The following CSMD1 variants were observed in gnomAD, a reference collection of about 807,000 sequenced individuals.
CSMD1 encodes the protein CUB and Sushi multiple domains 1.
CSMD1 carries 213 observed loss-of-function variants against 417.5 expected under a neutral mutation model. The observed-to-expected ratio is 0.51, with a 90% CI of 0.46 to 0.57. The LOEUF (loss-of-function observed/expected upper bound fraction) is 0.57. CSMD1 is among the 20% of genes least tolerant of loss of function. The pLI, the probability that CSMD1 is intolerant of heterozygous loss-of-function variation, is 0.00. For synonymous variants in CSMD1, 2,862 were observed against 1,736.8 expected, an observed-to-expected ratio of 1.65 and a Z score of -16.11; for missense variants, 6,923 against 4,529.7, an observed-to-expected ratio of 1.53 and a Z score of -15.17.
intron 8 of CSMD1, among the ~76,000 whole-genome samples, chr8:3,610,998 C>G (rs927010921): frequency 6.8e-6 from 1 of 146,698 alleles, no homozygotes; most frequent in Non-Finnish European, 1.5e-5. Context: ...AACCAAACAC[C>G]GCATGTTCTC....
rs529948765 is a variant in CSMD1, at chr8:3,369,118, A to G, written c.2899+136T>C. The G allele has an allele frequency of 3.3e-5, 18 of 538,800 alleles. No homozygotes were observed. In the East Asian group the frequency reaches 3.9e-4, roughly 12 times the overall value. The allele number at this position is 538,800 out of a possible 1,614,324, so 33.4% of individuals were successfully genotyped here. On this transcript the variant is annotated intron_variant, in intron 19 of 69. Transcript: ENST00000635120. ...TGTTCTTCCAAAATCTTATTAAATA[A>G]TAAGTTAAAATCTTGAACTATACAT...
chr8:4,534,382 T>C (rs968948557), intron 2 of CSMD1, among the ~76,000 whole-genome samples: 1 of 152,246 alleles, frequency 6.6e-6, no homozygotes, highest in Non-Finnish European at 1.5e-5. Flanking sequence ...ATGGATGGTT[T>C]ATCAATTGAA....
Position 3,409,446 on chromosome 8 carries a change from G to C in CSMD1, c.1721C>G (p.Ser574Cys). 2 of 1,611,002 alleles carry C rather than the reference G, an allele frequency of 1.2e-6. No homozygotes were observed. Among genetic ancestry groups the C allele is most frequent in the Non-Finnish European group, 1.7e-6 (2 of 1,178,720 alleles). The change falls in exon 13 of 70, where the codon TCT becomes TGT. Residue 574 changes from serine to cysteine, a missense_variant. Coordinates refer to ENST00000635120, the MANE Select transcript of CSMD1 (RefSeq NM_033225.6). ...ACATACACAGCTGGGCTTGTTGCCA[G>C]ACCACTGATTGTTCTGCTGACAGGT... ...VITCQQNNQWSGNKPSCVFSC... is the reference protein window; with the variant it reads ...VITCQQNNQWCGNKPSCVFSC...
chr8:3,115,381 T>A (rs769534632), intron 42 of CSMD1, among the ~76,000 whole-genome samples: 2 of 152,150 alleles, frequency 1.3e-5, no homozygotes, highest in African/African-American at 2.4e-5. Flanking sequence ...TTTGTATTTT[T>A]AGTAGAGTTG....
chr8:3,523,922 CAT>C (rs1340848199), intron 10 of CSMD1, among the ~76,000 whole-genome samples: 54 of 151,608 alleles, frequency 3.6e-4, no homozygotes, highest in Non-Finnish European at 4.6e-4. Context: ...CGCACACACA[CAT>C]ATGCATGCAC....
chr8:4,559,355 TTA>T (rs1211235968), intron 2 of CSMD1, among the ~76,000 whole-genome samples: 3 of 152,170 alleles, frequency 2.0e-5, no homozygotes, highest in Non-Finnish European at 2.9e-5. Flanking sequence ...CACTCTCTGG[TTA>T]TGTTATAAAA....
chr8:3,483,852 A>G (rs1308201110), intron 11 of CSMD1, among the ~76,000 whole-genome samples: 1 of 152,190 alleles, frequency 6.6e-6, no homozygotes, highest in Non-Finnish European at 1.5e-5. Flanking sequence ...AAAATCAATC[A>G]ATGTCATCCA....
intron 3 of CSMD1, among the ~76,000 whole-genome samples, chr8:4,187,754 G>T (rs933734254): frequency 1.2e-4 from 18 of 148,932 alleles, no homozygotes; most frequent in Admixed American, 3.4e-4. Flanking sequence ...AACACTCAGA[G>T]AAATATATTT....
intron 1 of CSMD1, among the ~76,000 whole-genome samples, chr8:4,666,708 C>T (rs1376683742): frequency 6.6e-6 from 1 of 152,012 alleles, no homozygotes; most frequent in Non-Finnish European, 1.5e-5. Context: ...TTAAAATGTG[C>T]TGTTTTCTTA....
At chr8:3,707,042 T>C (rs1801206628) in intron 7 of CSMD1, among the ~76,000 whole-genome samples, 1 of 151,938 alleles carries the variant, frequency 6.6e-6, no homozygotes, top group African/African-American at 2.4e-5. Context: ...AGAGGGGTAG[T>C]CAGAGTATGG....
chr8:3,891,418 G>A (rs183150647), intron 5 of CSMD1, among the ~76,000 whole-genome samples: 240 of 152,130 alleles, frequency 1.6e-3, no homozygotes, highest in Non-Finnish European at 1.6e-3. Flanking sequence ...GGTGGCTCAC[G>A]CCTACAAACC....
At chr8:4,803,617 A>G (rs1167289266) in intron 1 of CSMD1, among the ~76,000 whole-genome samples, 1 of 152,178 alleles carries the variant, frequency 6.6e-6, no homozygotes, top group Non-Finnish European at 1.5e-5. Context: ...AATTACTGAA[A>G]AGATCTATGT....
chr8:3,877,682 G>A (rs57459036), intron 5 of CSMD1, among the ~76,000 whole-genome samples: 42,626 of 151,860 alleles, frequency 0.28, 8,098 homozygotes, highest in African/African-American at 0.55. Flanking sequence ...CTGAGCACAT[G>A]GCTTGTACAT....
chr8:4,078,798 G>C (rs527430627), intron 3 of CSMD1, among the ~76,000 whole-genome samples: 95 of 149,392 alleles, frequency 6.4e-4, no homozygotes, highest in Middle Eastern at 3.5e-3. Flanking sequence ...CACTTTGGGA[G>C]GCCAAGGCAG....
Position 4,846,236 on chromosome 8 carries a change from A to G in CSMD1, c.85+148096T>C, listed in dbSNP as rs982816091. Among the ~76,000 whole-genome samples, 9 of 152,346 alleles carry G rather than the reference A, an allele frequency of 5.9e-5. No individual in the cohort carries two copies. In the South Asian group the frequency reaches 1.9e-3, roughly 32 times the overall value. On this transcript the variant is annotated intron_variant, in intron 1 of 69. Coordinates refer to ENST00000635120, the MANE Select transcript of CSMD1 (RefSeq NM_033225.6). ...TTTCTTTTTGACCTGTACAAAAAAT[A>G]TAGCTCTTACTTTCAAATTTGGAAA... is the stretch of plus-strand genomic sequence containing the variant.
intron 1 of CSMD1, among the ~76,000 whole-genome samples, chr8:4,904,812 A>G (rs1008264739): frequency 2.0e-5 from 3 of 152,216 alleles, no homozygotes; most frequent in Admixed American, 1.3e-4. Flanking sequence ...AACATGAAAC[A>G]GAAAGTCTGG....
chr8:3,788,732 C>A (rs746578930), intron 5 of CSMD1, among the ~76,000 whole-genome samples: 2 of 152,190 alleles, frequency 1.3e-5, no homozygotes, highest in African/African-American at 4.8e-5. Context: ...GATTAGAAAG[C>A]ACTTTCACAT....
At position 3,762,744 on chromosome 8, in the gene CSMD1, C is replaced by T. The variant is rs576576359; in HGVS notation, c.819-8702G>A. ...GGTCGGGGGGAGCCAGGCCACAGCT[C>T]GGCTTGGTTTATTCCCAGAGAGAGA... On this transcript the variant is annotated intron_variant, in intron 5 of 69. Coordinates refer to ENST00000635120, the MANE Select transcript of CSMD1 (RefSeq NM_033225.6). 1.2e-4 allele frequency among the ~76,000 whole-genome samples: 18 copies of T among 152,210 alleles called. No homozygotes were observed. The East Asian group carries it at 2.9e-3, about 25-fold the overall frequency.
At chr8:3,552,090 T>C (rs4875733) in intron 10 of CSMD1, among the ~76,000 whole-genome samples, 2,468 of 152,330 alleles carry the variant, frequency 0.016, 120 homozygotes, top group Admixed American at 0.1. Context: ...TAAAATTCTT[T>C]GAACAATGAG....
Sources: allele counts gnomAD v4.1 joint callset (sites outside exome capture counted in the v4.1 genomes callset), GRCh38; gene constraint gnomAD v4.1.1; transcripts MANE v1.5; gene names NCBI Gene and HGNC (gene_info 2026-07-23, HGNC 2026-07-21).